EP400: variants seen among roughly 807,000 people sequenced by gnomAD.
The protein encoded by EP400 is E1A binding protein p400.
In EP400, 105 loss-of-function variants were observed where a neutral mutation model predicts 354.1. The ratio of observed to expected loss-of-function variants is 0.30; its 90% confidence interval spans 0.25 to 0.35. The LOEUF is 0.35. EP400 is among the 10% of genes least tolerant of loss of function. The pLI is 1.00. For synonymous variants in EP400, 1,646 were observed against 1,716.9 expected, an observed-to-expected ratio of 0.96 and a Z score of 1.02; for missense variants, 3,280 against 4,121.0, an observed-to-expected ratio of 0.80 and a Z score of 5.59.
rs1440454823 is a variant in EP400 at position 132,017,180 on chromosome 12, G to A, written c.3924-355G>A. ...GACCAGGCGTCAGAGCTGCCGAGCG[G>A]GTGTGTGAGGGGCTTTACTCTGCTG... On this transcript the variant is annotated intron_variant, in intron 19 of 52. Coordinates refer to ENST00000389561, the MANE Select transcript of EP400 (RefSeq NM_015409.5). The surrounding 1 kb of genome is among the most constrained non-coding windows in gnomAD (Gnocchi z 5.0). 8.4e-6 allele frequency among the ~76,000 whole-genome samples: 1 copy of A among 119,478 alleles called. No individual in the cohort carries two copies. The highest frequency in any genetic ancestry group is 1.6e-5 in the Non-Finnish European group (1 of 63,996). 78.4% of individuals were successfully genotyped at this position (119,478 alleles called of 152,430 possible). A position where few individuals can be genotyped will look rare whatever the true frequency, so the allele number is the denominator to read the frequency against.
At chr12:131,952,163 C>T (rs1198386157) in intron 1 of EP400, among the ~76,000 whole-genome samples, 2 of 149,530 alleles carry the variant, frequency 1.3e-5, no homozygotes, top group Non-Finnish European at 3.0e-5. Context: ...ATTAATCGGG[C>T]GTGGTGGTGG....
chr12:132,044,742 C>G, intron 36 of EP400, 27 bp downstream of exon 36: 1 of 1,614,136 alleles, frequency 6.2e-7, no homozygotes, highest in Non-Finnish European at 8.5e-7. Flanking sequence ...CCCTTTGTGT[C>G]TGTGTGGGCA....
intron 5 of EP400, among the ~76,000 whole-genome samples, chr12:131,984,998 T>C (rs1056534611): frequency 2.0e-5 from 3 of 152,286 alleles, no homozygotes; most frequent in South Asian, 2.1e-4. Context: ...TAATATCTTA[T>C]GCATGCTTAG....
At chr12:132,006,608 G>T (rs1893590452) in intron 14 of EP400, 92 bp from the exon 15 acceptor site, 1 of 1,299,560 alleles carries the variant, frequency 7.7e-7, no homozygotes, top group Non-Finnish European at 1.1e-6. Context: ...TTTCTAATTG[G>T]TTTATCATGT....
rs994722843 is a variant in EP400, at chr12:131,949,977, G to A, written c.-95G>A. The A allele has an allele frequency of 7.9e-5, 12 of 151,848 alleles. No individual in the cohort carries two copies. Among genetic ancestry groups the A allele is most frequent in the African/African-American group, 2.9e-4 (12 of 41,414 alleles). 9.4% of individuals were successfully genotyped at this position (151,848 alleles called of 1,614,324 possible). On this transcript the variant is annotated 5_prime_UTR_variant, in exon 1 of 53. Coordinates refer to ENST00000389561, the MANE Select transcript of EP400 (RefSeq NM_015409.5). ...GGCCCCGGATGCACTGAGCGGCTGC[G>A]GCGCGGCTTCCATCCTCCCGCCCTC...
Position 132,044,977 on chromosome 12 carries a change from T to C in EP400, c.6784+24T>C, listed in dbSNP as rs747202093. On this transcript the variant is annotated intron_variant, in intron 37 of 52. Coordinates refer to ENST00000389561, the MANE Select transcript of EP400 (RefSeq NM_015409.5). Reference sequence around the variant, plus strand: ...AGGTGCGCATCCCGAGGGCGTCACATGACCTGGGGGGGCCCTGGCCTGCAG... The same window carrying C: ...AGGTGCGCATCCCGAGGGCGTCACACGACCTGGGGGGGCCCTGGCCTGCAG... The C allele has an allele frequency of 1.9e-6, 3 of 1,612,294 alleles. No homozygotes were observed. In the Admixed American group the frequency reaches 5.0e-5, roughly 27 times the overall value.
At chr12:132,011,061 A>G (rs1314160176) in intron 15 of EP400, among the ~76,000 whole-genome samples, 1 of 152,238 alleles carries the variant, frequency 6.6e-6, no homozygotes, top group Non-Finnish European at 1.5e-5. Context: ...CCCTTGGCTA[A>G]CAAAACACAG....
In EP400 at chr12:132,027,336, A is replaced by G; in HGVS notation, c.5015-101A>G. ...GCCGTTGCAGAATGACTTTCTGTGG[A>G]GTGTGCTGGTGGAGGGTGAGGTTCC... On this transcript the variant is annotated intron_variant, in intron 25 of 52. Transcript: ENST00000389561. The surrounding 1 kb of genome is among the most constrained non-coding windows in gnomAD (Gnocchi z 4.9). The G allele has an allele frequency of 7.0e-6, 8 of 1,135,968 alleles. No individual in the cohort carries two copies. Among genetic ancestry groups the G allele is most frequent in the Admixed American group, 1.8e-5 (1 of 54,282 alleles). 70.4% of individuals were successfully genotyped at this position (1,135,968 alleles called of 1,614,324 possible).
At chr12:131,986,403 A>G (rs1892854609) in intron 5 of EP400, 111 bp from the exon 6 acceptor site, 2 of 1,020,010 alleles carry the variant, frequency 2.0e-6, no homozygotes, top group South Asian at 1.6e-5. Flanking sequence ...CGTGGAGCGG[A>G]AGGTGCTGGC....
chr12:132,035,034 T>C (rs970644858), intron 30 of EP400, among the ~76,000 whole-genome samples: 49 of 152,058 alleles, frequency 3.2e-4, no homozygotes, highest in African/African-American at 1.1e-3. Context: ...GTTAAATACC[T>C]CTTAAAAATC....
rs758616088 is a variant in EP400, at chr12:131,990,011, A to G, written c.2457A>G (p.Glu819=). The G allele has an allele frequency of 1.2e-6, 2 of 1,613,718 alleles. No homozygotes were observed. The highest frequency in any genetic ancestry group is 3.3e-5 in the Admixed American group (2 of 59,866). ...VRHHEEKQLR[E]ERGKKEEQSR... ...ATCACGAGGAGAAGCAGCTCCGTGAAGAAAGGGGGAAGAAGGAAGAGCAGA... is the reference window on the plus strand; with the variant it reads ...ATCACGAGGAGAAGCAGCTCCGTGAGGAAAGGGGGAAGAAGGAAGAGCAGA... The change falls in exon 8 of 53, where the codon GAA becomes GAG. Residue 819 remains glutamate (E), a synonymous_variant. Transcript: ENST00000389561. The surrounding 1 kb of genome is among the most constrained non-coding windows in gnomAD (Gnocchi z 4.2).
chr12:131,954,726 G>GAAAAA (rs35935376), intron 1 of EP400, among the ~76,000 whole-genome samples: 1 of 83,730 alleles, frequency 1.2e-5, no homozygotes, highest in Non-Finnish European at 2.1e-5. Context: ...CTCCATCTCA[G>GAAAAA]AAAAAAAAAA....
Position 131,979,774 on chromosome 12 carries a change from G to A in EP400, c.1416G>A (p.Met472Ile), listed in dbSNP as rs1015247932. The change falls in exon 3 of 53, where the codon ATG (methionine) becomes ATA (isoleucine). Residue 472 changes from methionine (M) to isoleucine (I), a missense_variant. Transcript: ENST00000389561. ...ACCTGTTTAAGAGGCAGCAGGCGATGCCCTCCACAGGTATGGCAGGTACGT... is the reference window on the plus strand; with the variant it reads ...ACCTGTTTAAGAGGCAGCAGGCGATACCCTCCACAGGTATGGCAGGTACGT... ...ETDLFKRQQA[M>I]PSTGMAEQSK... 6.2e-7 allele frequency: 1 copy of A among 1,607,380 alleles called. No homozygotes were observed. Among genetic ancestry groups the A allele is most frequent in the South Asian group, 1.1e-5 (1 of 90,168 alleles).
intron 3 of EP400, among the ~76,000 whole-genome samples, 156 bp downstream of exon 3, chr12:131,979,949 A>G (rs1892622553): frequency 6.6e-6 from 1 of 152,138 alleles, no homozygotes; most frequent in Non-Finnish European, 1.5e-5. Context: ...GCTGAACAAT[A>G]TTTACGTGAA....
Position 131,991,472 on chromosome 12 carries a change from T to G in EP400, c.2679+16T>G. The G allele has an allele frequency of 6.2e-7, 1 of 1,613,870 alleles. No homozygotes were observed. Among genetic ancestry groups the G allele is most frequent in the Non-Finnish European group, 8.5e-7 (1 of 1,179,744 alleles). Reference sequence around the variant, plus strand: ...AAGTTCTCTGGTAAGTTTGGGGTTGTTACTGTGCTGTGTGAGAAGGAGTAG... The same window carrying G: ...AAGTTCTCTGGTAAGTTTGGGGTTGGTACTGTGCTGTGTGAGAAGGAGTAG... On this transcript the variant is annotated intron_variant, in intron 10 of 52. Coordinates refer to ENST00000389561, the MANE Select transcript of EP400 (RefSeq NM_015409.5).
rs990492218 is a variant in EP400, at chr12:132,063,964, A to AC, written c.8335-697dup. ...GTCAGGGAGTCAGAGCCGGGCTTTG[A>AC]CCCCCCCGGCCCACAGCCACACAGG... On this transcript the variant is annotated intron_variant, in intron 47 of 52. Transcript: ENST00000389561. Among the ~76,000 whole-genome samples, 18 of 139,300 alleles carry AC rather than the reference A, an allele frequency of 1.3e-4. No homozygotes were observed. The South Asian group carries it at 2.2e-3, about 17-fold the overall frequency. The allele number at this position is 139,300 out of a possible 152,430, so 91.4% of individuals were successfully genotyped here.
At chr12:131,983,221 T>A (rs769845196) in intron 5 of EP400, among the ~76,000 whole-genome samples, 7 of 152,166 alleles carry the variant, frequency 4.6e-5, no homozygotes, top group Non-Finnish European at 1.0e-4. Flanking sequence ...TGACCCTAGC[T>A]CCATGTGAGT....
intron 2 of EP400, among the ~76,000 whole-genome samples, chr12:131,967,254 G>A (rs1160894389): frequency 3.3e-5 from 5 of 151,126 alleles, no homozygotes; most frequent in Admixed American, 2.0e-4. Context: ...GGTAGTGGGC[G>A]CCTGTAATCC....
At chr12:131,972,158 CTT>C (rs549560277) in intron 2 of EP400, among the ~76,000 whole-genome samples, 6 of 110,224 alleles carry the variant, frequency 5.4e-5, no homozygotes, top group Non-Finnish European at 5.4e-5. Context: ...TTTTCTTTTT[CTT>C]TTTTTTTTTT....
Sources: allele counts gnomAD v4.1 joint callset (sites outside exome capture counted in the v4.1 genomes callset), GRCh38; gene constraint gnomAD v4.1.1; non-coding constraint Gnocchi (gnomAD v3.1); transcripts MANE v1.5; gene names NCBI Gene and HGNC (gene_info 2026-07-23, HGNC 2026-07-21).